PTPRZ1: variants seen among roughly 807,000 people sequenced by gnomAD.
PTPRZ1 encodes the protein protein tyrosine phosphatase receptor type Z1, also known as receptor-type tyrosine-protein phosphatase zeta.
In PTPRZ1, 82 loss-of-function variants were observed where a neutral mutation model predicts 214.1. The observed-to-expected ratio is 0.38, with a 90% CI of 0.32 to 0.46. The LOEUF is 0.46. PTPRZ1 is among the 20% of genes least tolerant of loss of function. The probability of loss-of-function intolerance (pLI) is 1.00; values close to 1 mark genes in which losing one functional copy is unlikely to be tolerated. For synonymous variants in PTPRZ1, 945 were observed against 987.9 expected (o/e 0.96, Z 0.81); for missense variants, 2,603 against 2,748.7 (o/e 0.95, Z 1.19).
chr7:121,898,871 T>G (rs959888370), intron 1 of PTPRZ1, among the ~76,000 whole-genome samples: 1 of 152,160 alleles, frequency 6.6e-6, no homozygotes, highest in Admixed American at 6.5e-5. Flanking sequence ...GAGTGTGTGT[T>G]CAAGAAGTAA....
At chr7:121,896,278 G>A (rs1794781168) in intron 1 of PTPRZ1, among the ~76,000 whole-genome samples, 1 of 152,128 alleles carries the variant, frequency 6.6e-6, no homozygotes, top group South Asian at 2.1e-4. Flanking sequence ...GATCTAACTA[G>A]AATGTCTTAA....
rs1180907420 is a variant in PTPRZ1 at position 121,930,033 on chromosome 7, T to TA, written c.124+1813dup. On this transcript the variant is annotated intron_variant, in intron 2 of 29. Transcript: ENST00000393386. Reference sequence around the variant, plus strand: ...TTGTTACTTTAATTTGCTTTTTTTTTATTACCACTGAAGTCATGATTTTAA... The same window carrying TA: ...TTGTTACTTTAATTTGCTTTTTTTTTAATTACCACTGAAGTCATGATTTTAA... Among the ~76,000 whole-genome samples the TA allele has an allele frequency of 7.2e-5, 11 of 152,094 alleles. 1 individual carries two copies. The highest frequency in any genetic ancestry group is 5.9e-4 in the Admixed American group (9 of 15,266).
Position 122,011,119 on chromosome 7 carries a change from G to T in PTPRZ1, c.2073G>T (p.Lys691Asn), listed in dbSNP as rs779985629. 4 of 1,614,030 alleles carry T rather than the reference G, an allele frequency of 2.5e-6. No homozygotes were observed. In the South Asian group the frequency reaches 4.4e-5, roughly 18 times the overall value. The change falls in exon 12 of 30, where the codon AAG (lysine) becomes AAT (asparagine). Residue 691 changes from lysine to asparagine, a missense_variant. Transcript: ENST00000393386. Reference protein sequence around the residue: ...IRVDESEKTTKSFSAGPVMSQ... With the variant: ...IRVDESEKTTNSFSAGPVMSQ... Reference sequence around the variant, plus strand: ...TTGATGAATCTGAGAAGACAACCAAGTCCTTTTCTGCAGGCCCAGTGATGT... The same window carrying T: ...TTGATGAATCTGAGAAGACAACCAATTCCTTTTCTGCAGGCCCAGTGATGT...
intron 6 of PTPRZ1, among the ~76,000 whole-genome samples, chr7:121,977,877 C>T (rs1453796241): frequency 6.6e-6 from 1 of 152,038 alleles, no homozygotes; most frequent in Non-Finnish European, 1.5e-5. Flanking sequence ...TGTTTGAATT[C>T]CTATACTTAA....
At chr7:121,957,785 C>T (rs1008399453) in intron 2 of PTPRZ1, among the ~76,000 whole-genome samples, 6 of 152,132 alleles carry the variant, frequency 3.9e-5, no homozygotes, top group Non-Finnish European at 7.3e-5. Flanking sequence ...CCAAACTTCT[C>T]CTCCCATGTG....
At chr7:122,022,260 A>G (rs1181150169) in intron 13 of PTPRZ1, among the ~76,000 whole-genome samples, 1 of 152,252 alleles carries the variant, frequency 6.6e-6, no homozygotes, top group Non-Finnish European at 1.5e-5. Context: ...TACTATTTCC[A>G]TAATGACTAA....
intron 1 of PTPRZ1, among the ~76,000 whole-genome samples, chr7:121,876,174 C>CA (rs1187193545): frequency 1.3e-5 from 2 of 152,134 alleles, no homozygotes. Context: ...ACTTTCCAGA[C>CA]AAAAAATTTA....
In PTPRZ1 at chr7:122,045,790, T is replaced by C. The variant is rs188282033; in HGVS notation, c.6084+1222T>C. 5.2e-3 allele frequency among the ~76,000 whole-genome samples: 795 copies of C among 152,042 alleles called. 9 individuals are homozygous for C. The highest frequency in any genetic ancestry group is 0.017 in the African/African-American group (717 of 41,456). On this transcript the variant is annotated intron_variant, in intron 23 of 29. Transcript: ENST00000393386. ...TAGTTGCATAAAAACATTGATATGGTAAGCTAAATAATCCAGGATCAAAAT... is the reference window on the plus strand; with the variant it reads ...TAGTTGCATAAAAACATTGATATGGCAAGCTAAATAATCCAGGATCAAAAT...
chr7:121,976,674 A>C (rs1174379825), intron 5 of PTPRZ1, 111 bp from the exon 6 acceptor site: 3 of 851,784 alleles, frequency 3.5e-6, no homozygotes. Flanking sequence ...TTTGGAACTT[A>C]CTATTTTTTA....
chr7:122,004,773 G>C (rs1289503066), intron 11 of PTPRZ1, 113 bp downstream of exon 11: 3 of 585,100 alleles, frequency 5.1e-6, no homozygotes, highest in African/African-American at 3.9e-5. Context: ...ATGATTCACT[G>C]TTTGTGGGGT....
At chr7:121,959,810 A>G (rs1796821396) in intron 2 of PTPRZ1, among the ~76,000 whole-genome samples, 1 of 152,190 alleles carries the variant, frequency 6.6e-6, no homozygotes, top group Non-Finnish European at 1.5e-5. Flanking sequence ...CTCACCACTG[A>G]TAGCTTTATA....
intron 4 of PTPRZ1, among the ~76,000 whole-genome samples, chr7:121,973,286 T>G (rs2116531712): frequency 6.6e-6 from 1 of 152,210 alleles, no homozygotes; most frequent in South Asian, 2.1e-4. Flanking sequence ...TGATGGATAT[T>G]ATAGATTTCA....
intron 2 of PTPRZ1, among the ~76,000 whole-genome samples, chr7:121,947,902 C>T (rs948418785): frequency 2.6e-5 from 4 of 152,122 alleles, no homozygotes; most frequent in African/African-American, 4.8e-5. Flanking sequence ...AATGGAATTT[C>T]ACGCACTATT....
At chr7:121,937,579 T>C (rs1051424833) in intron 2 of PTPRZ1, among the ~76,000 whole-genome samples, 53 of 151,916 alleles carry the variant, frequency 3.5e-4, no homozygotes, top group Admixed American at 3.5e-3. Context: ...ATGCTGGGGG[T>C]TCAGCAGCCG....
intron 1 of PTPRZ1, among the ~76,000 whole-genome samples, chr7:121,894,085 T>G (rs1794717496): frequency 6.6e-6 from 1 of 152,090 alleles, no homozygotes; most frequent in Non-Finnish European, 1.5e-5. Flanking sequence ...TAGAAAAAAT[T>G]TTTCGAAGGA....
At chr7:121,998,089 A>G (rs1468472840) in intron 10 of PTPRZ1, 83 bp downstream of exon 10, 1 of 1,442,610 alleles carries the variant, frequency 6.9e-7, no homozygotes, top group Non-Finnish European at 9.3e-7. Flanking sequence ...CTTTCTCTCT[A>G]TATTCTTTTG....
At chr7:121,873,587 G>C in intron 1 of PTPRZ1, 30 bp downstream of exon 1, 1 of 1,611,762 alleles carries the variant, frequency 6.2e-7, no homozygotes, top group Non-Finnish European at 8.5e-7. Context: ...TGGGGTTTCA[G>C]CTCCGGGATC....
intron 3 of PTPRZ1, among the ~76,000 whole-genome samples, chr7:121,968,885 T>A (rs936326160): frequency 2.0e-5 from 3 of 152,180 alleles, no homozygotes; most frequent in East Asian, 1.9e-4. Context: ...GAATTTTTTT[T>A]ATATTTTCTA....
At chr7:122,001,421 T>C (rs10272363) in intron 10 of PTPRZ1, among the ~76,000 whole-genome samples, 3,602 of 152,268 alleles carry the variant, frequency 0.024, 44 homozygotes, top group Middle Eastern at 0.037. Context: ...TTTAGGGCCT[T>C]GATAATTATA....
Sources: allele counts gnomAD v4.1 joint callset (sites outside exome capture counted in the v4.1 genomes callset), GRCh38; gene constraint gnomAD v4.1.1; transcripts MANE v1.5; gene names NCBI Gene and HGNC (gene_info 2026-07-23, HGNC 2026-07-21).